Variants in NEO1 observed in about 807,000 individuals in gnomAD.
The protein encoded by NEO1 is neogenin.
Under a neutral mutation model 159.7 loss-of-function variants are expected in NEO1, and 63 were observed. The observed-to-expected ratio is 0.39, with a 90% CI of 0.32 to 0.49. NEO1 has a LOEUF of 0.49. NEO1 is among the 20% of genes least tolerant of loss of function. NEO1 has a pLI of 0.85. For missense variants in NEO1, 1,615 were observed against 1,831.0 expected (o/e 0.88, Z 2.15); for synonymous variants, 633 against 662.0 (o/e 0.96, Z 0.67).
intron 1 of NEO1, among the ~76,000 whole-genome samples, chr15:73,101,948 C>G (rs572824664): frequency 3.3e-5 from 5 of 152,258 alleles, no homozygotes; most frequent in Admixed American, 3.3e-4. Flanking sequence ...TACAGCCAAA[C>G]TTTTTGAAAG....
At chr15:73,124,318 C>T (rs1322425348) in intron 3 of NEO1, among the ~76,000 whole-genome samples, 3 of 152,134 alleles carry the variant, frequency 2.0e-5, no homozygotes, top group African/African-American at 7.2e-5. Context: ...CTACCTTGGC[C>T]TCCCAAAGTG....
At chr15:73,274,829 C>A in intron 21 of NEO1, 105 bp downstream of exon 21, 2 of 1,136,240 alleles carry the variant, frequency 1.8e-6, no homozygotes, top group Non-Finnish European at 2.5e-6. Context: ...AAATCAGCAC[C>A]ATGTGTTAAA....
chr15:73,111,890 T>C (rs1330541905), intron 1 of NEO1, among the ~76,000 whole-genome samples: 1 of 152,026 alleles, frequency 6.6e-6, no homozygotes, highest in Non-Finnish European at 1.5e-5. Flanking sequence ...CTGCCTTGGC[T>C]CCCCAAAGTG....
At chr15:73,132,064 A>C (rs1390768200) in intron 4 of NEO1, among the ~76,000 whole-genome samples, 1 of 152,164 alleles carries the variant, frequency 6.6e-6, no homozygotes, top group African/African-American at 2.4e-5. Context: ...CATTTTGTAG[A>C]GTTATCTTCT....
At chr15:73,150,411 G>T (rs546041490) in intron 5 of NEO1, among the ~76,000 whole-genome samples, 3 of 151,990 alleles carry the variant, frequency 2.0e-5, no homozygotes, top group African/African-American at 4.8e-5. Flanking sequence ...ACATTTTTTT[G>T]TGTTAGACAT....
At chr15:73,288,251 C>G (rs960434464) in intron 23 of NEO1, 62 bp from the exon 24 acceptor site, 36 of 1,501,120 alleles carry the variant, frequency 2.4e-5, no homozygotes, top group African/African-American at 6.9e-5. Context: ...ATCACTCAAG[C>G]CTTTTGACAA....
chr15:73,297,684 TC>T (rs1272618803), intron 26 of NEO1, among the ~76,000 whole-genome samples: 8 of 152,220 alleles, frequency 5.3e-5, no homozygotes, highest in African/African-American at 1.9e-4. Context: ...ATCATGTTCT[TC>T]CTGAGCCTTC....
chr15:73,270,487 G>C, intron 18 of NEO1, 33 bp downstream of exon 18: 1 of 1,570,440 alleles, frequency 6.4e-7, no homozygotes, highest in Non-Finnish European at 8.6e-7. Context: ...TCACATGGCT[G>C]CTTTTACTTC....
intron 4 of NEO1, 119 bp from the exon 5 acceptor site, chr15:73,135,772 A>G: frequency 1.1e-6 from 1 of 906,784 alleles, no homozygotes; most frequent in Non-Finnish European, 1.5e-6. Flanking sequence ...TGGTTCATCT[A>G]TAGCTATATA....
chr15:73,178,359 A>G lies in NEO1; in HGVS notation c.1223A>G (p.Tyr408Cys). ...LGLVKSDEGFYQCIAENDVGN... is the reference protein window; with the variant it reads ...LGLVKSDEGFCQCIAENDVGN... ...CTGGTGAAATCAGATGAAGGGTTCT[A>G]TCAGTGCATTGCTGAAAATGATGTT... Residue 408 changes from tyrosine to cysteine, a missense_variant, in exon 7 of 29, where the codon TAT becomes TGT. This residue lies in a region of NEO1 where 1,018 missense variants were observed against 1,115.4 expected (regional missense o/e 0.91). Transcript: ENST00000261908. The G allele has an allele frequency of 1.2e-6, 2 of 1,613,918 alleles. No individual in the cohort carries two copies. Among genetic ancestry groups the G allele is most frequent in the Non-Finnish European group, 1.7e-6 (2 of 1,179,850 alleles).
chr15:73,289,597 C>T (rs925017013), intron 25 of NEO1, among the ~76,000 whole-genome samples: 5 of 152,088 alleles, frequency 3.3e-5, no homozygotes, highest in African/African-American at 7.2e-5. Context: ...GTTTTCATTA[C>T]GCTGCCTGAC....
chr15:73,295,550 G>A (rs1291408649), intron 26 of NEO1, among the ~76,000 whole-genome samples: 1 of 151,752 alleles, frequency 6.6e-6, no homozygotes, highest in Non-Finnish European at 1.5e-5. Context: ...TACGGACCTA[G>A]GCAGAAAGTG....
chr15:73,067,893 G>A (rs2068305293), intron 1 of NEO1, among the ~76,000 whole-genome samples: 1 of 152,130 alleles, frequency 6.6e-6, no homozygotes, highest in African/African-American at 2.4e-5. Flanking sequence ...TGGGATTACA[G>A]GTGTGAGCCA....
Position 73,304,131 on chromosome 15 carries a change from G to A in NEO1, c.*1435G>A, listed in dbSNP as rs1280643732. The stretch of plus-strand genomic sequence containing the variant: ...GCTGCCCACCCCCCCCATCCCAGCA[G>A]CTCAGCTAAGCCCTGATGAGAATGA... On this transcript the variant is annotated 3_prime_UTR_variant, in exon 29 of 29. Transcript: ENST00000261908. 1 of 151,422 alleles carries A rather than the reference G, an allele frequency of 6.6e-6. No individual in the cohort carries two copies. The highest frequency in any genetic ancestry group is 1.5e-5 in the Non-Finnish European group (1 of 67,908). 9.4% of individuals were successfully genotyped at this position (151,422 alleles called of 1,614,324 possible). A position where few individuals can be genotyped will look rare whatever the true frequency, so the allele number is the denominator to read the frequency against.
intron 15 of NEO1, among the ~76,000 whole-genome samples, chr15:73,263,869 A>C (rs2040758786): frequency 6.6e-6 from 1 of 152,184 alleles, no homozygotes; most frequent in Admixed American, 6.5e-5. Flanking sequence ...AATTGTTAGC[A>C]AAAGGAAAGC....
intron 4 of NEO1, among the ~76,000 whole-genome samples, chr15:73,129,198 G>T (rs2030744307): frequency 6.6e-6 from 1 of 152,178 alleles, no homozygotes; most frequent in South Asian, 2.1e-4. Flanking sequence ...AGTAATGTTG[G>T]AAAATATAAG....
intron 26 of NEO1, among the ~76,000 whole-genome samples, chr15:73,297,902 C>T (rs533453877): frequency 2.6e-5 from 4 of 152,328 alleles, no homozygotes; most frequent in Admixed American, 1.3e-4. Flanking sequence ...CTGCAGTGAC[C>T]GCCAGGCCTT....
chr15:73,238,018 C>G (rs2039276476), intron 8 of NEO1, among the ~76,000 whole-genome samples: 1 of 152,148 alleles, frequency 6.6e-6, no homozygotes, highest in African/African-American at 2.4e-5. Context: ...AACTTAGCCC[C>G]TCGGTGACTG....
At chr15:73,137,558 A>G (rs1056247294) in intron 5 of NEO1, among the ~76,000 whole-genome samples, 1 of 152,110 alleles carries the variant, frequency 6.6e-6, no homozygotes, top group Non-Finnish European at 1.5e-5. Context: ...GTGCAGTGGC[A>G]CAATCTCTGC....
Sources: allele counts gnomAD v4.1 joint callset (sites outside exome capture counted in the v4.1 genomes callset), GRCh38; gene constraint gnomAD v4.1.1; regional missense constraint gnomAD v4.1.1; transcripts MANE v1.5; gene names NCBI Gene and HGNC (gene_info 2026-07-23, HGNC 2026-07-21).